MAGI2: variants seen among roughly 807,000 people sequenced by gnomAD.
MAGI2 encodes membrane-associated guanylate kinase, WW and PDZ domain-containing protein 2.
MAGI2 carries 35 observed loss-of-function variants against 133.3 expected under a neutral mutation model. The observed-to-expected ratio is 0.26, with a 90% CI of 0.20 to 0.35. The LOEUF is 0.35. MAGI2 is among the 10% of genes least tolerant of loss of function. The pLI is 1.00. For missense variants in MAGI2, 1,636 were observed against 1,863.4 expected (o/e 0.88, Z 2.25); for synonymous variants, 729 against 710.6 (o/e 1.03, Z -0.41).
chr7:78,559,783 T>G (rs1800222539), intron 3 of MAGI2, among the ~76,000 whole-genome samples: 1 of 152,166 alleles, frequency 6.6e-6, no homozygotes. Flanking sequence ...TTGAGAAGTG[T>G]TTAATTTTTG....
intron 3 of MAGI2, among the ~76,000 whole-genome samples, chr7:78,534,051 G>A (rs746542623): frequency 4.6e-5 from 7 of 152,152 alleles, no homozygotes; most frequent in Non-Finnish European, 1.0e-4. Flanking sequence ...TTTACTGATA[G>A]CCTATTATTT....
intron 9 of MAGI2, among the ~76,000 whole-genome samples, chr7:78,275,929 G>C (rs1400414890): frequency 6.6e-6 from 1 of 152,076 alleles, no homozygotes; most frequent in Non-Finnish European, 1.5e-5. Flanking sequence ...TGTATTTTCA[G>C]TTTTAGTTAC....
intron 2 of MAGI2, among the ~76,000 whole-genome samples, chr7:78,885,206 A>T (rs1398000621): frequency 6.6e-6 from 1 of 152,168 alleles, no homozygotes; most frequent in African/African-American, 2.4e-5. Flanking sequence ...ATTGGGTATT[A>T]TGCTCACTAC....
rs140123195 is a variant in MAGI2 at position 79,117,336 on chromosome 7, A to G, written c.302-110130T>C. Among the ~76,000 whole-genome samples the G allele has an allele frequency of 2.8e-3, 419 of 152,280 alleles. 1 individual carries two copies. The highest frequency in any genetic ancestry group is 7.3e-3 in the African/African-American group (302 of 41,574). On this transcript the variant is annotated intron_variant, in intron 1 of 21. Transcript: ENST00000354212. ...TTTTCAATAGAATATTTACCTCTCA[A>G]GAGCACATGTATATAATTCACTTTT... is the stretch of plus-strand genomic sequence containing the variant.
At chr7:78,749,424 A>G (rs1262122443) in intron 2 of MAGI2, among the ~76,000 whole-genome samples, 1 of 152,160 alleles carries the variant, frequency 6.6e-6, no homozygotes, top group African/African-American at 2.4e-5. Flanking sequence ...ATCATATGGT[A>G]TATTAGAAGG....
chr7:78,964,791 A>C (rs866533053), intron 2 of MAGI2, among the ~76,000 whole-genome samples: 1 of 152,020 alleles, frequency 6.6e-6, no homozygotes, highest in African/African-American at 2.4e-5. Flanking sequence ...TTTCCCTAGA[A>C]CTTATGATGA....
chr7:79,448,744 G>A (rs1044498777), intron 1 of MAGI2, among the ~76,000 whole-genome samples: 5 of 152,090 alleles, frequency 3.3e-5, no homozygotes, highest in Non-Finnish European at 5.9e-5. Context: ...ATGTGAATAT[G>A]CTTTTCTCAT....
intron 20 of MAGI2, among the ~76,000 whole-genome samples, chr7:78,084,082 C>T (rs918176124): frequency 1.3e-5 from 2 of 152,138 alleles, no homozygotes; most frequent in Non-Finnish European, 2.9e-5. Context: ...GTTAATTGCC[C>T]TCATGTTACC....
At chr7:78,182,581 A>G (rs1041812410) in intron 13 of MAGI2, among the ~76,000 whole-genome samples, 1 of 151,968 alleles carries the variant, frequency 6.6e-6, no homozygotes, top group African/African-American at 2.4e-5. Flanking sequence ...CCTTCATTCT[A>G]CCTCTGATTC....
intron 4 of MAGI2, among the ~76,000 whole-genome samples, chr7:78,515,293 G>A (rs1370073338): frequency 6.6e-6 from 1 of 152,106 alleles, no homozygotes; most frequent in Non-Finnish European, 1.5e-5. Flanking sequence ...TATTGCCAAA[G>A]CTAGGGAGGC....
chr7:79,122,031 T>C (rs1320916903), intron 1 of MAGI2, among the ~76,000 whole-genome samples: 1 of 152,236 alleles, frequency 6.6e-6, no homozygotes, highest in Admixed American at 6.5e-5. Flanking sequence ...GAGATCACTG[T>C]ATATAATTGA....
Position 78,585,520 on chromosome 7 carries a change from C to T in MAGI2, c.538+41600G>A, listed in dbSNP as rs375998734. On this transcript the variant is annotated intron_variant, in intron 3 of 21. Transcript: ENST00000354212. ...GGCAGCAGCATAGGAACCGGGGGGA[C>T]TGTGGCACCTAGTGAAAGAAGAAGG... Among the ~76,000 whole-genome samples the T allele has an allele frequency of 9.9e-5, 15 of 152,206 alleles. 1 individual carries two copies. In the South Asian group the frequency reaches 2.9e-3, roughly 29 times the overall value.
At chr7:79,084,422 T>G (rs578188172) in intron 1 of MAGI2, among the ~76,000 whole-genome samples, 221 of 151,910 alleles carry the variant, frequency 1.5e-3, no homozygotes, top group Non-Finnish European at 2.6e-3. Flanking sequence ...TGTTTAGGTT[T>G]GTGTTGTTTA....
chr7:78,047,153 T>G (rs929287674), intron 21 of MAGI2, among the ~76,000 whole-genome samples: 3 of 152,246 alleles, frequency 2.0e-5, no homozygotes, highest in Admixed American at 6.5e-5. Flanking sequence ...CTGTGCTCTC[T>G]GTGCATCATC....
At chr7:79,121,241 A>G (rs898000826) in intron 1 of MAGI2, among the ~76,000 whole-genome samples, 1 of 152,134 alleles carries the variant, frequency 6.6e-6, no homozygotes, top group Admixed American at 6.6e-5. Context: ...GATCCCTAAC[A>G]TGGAGAAAAG....
rs367925728 is a variant in MAGI2 at position 79,224,082 on chromosome 7, A to G, written c.302-216876T>C. Among the ~76,000 whole-genome samples, 42 of 152,138 alleles carry G rather than the reference A, an allele frequency of 2.8e-4. 1 individual carries two copies. Among genetic ancestry groups the G allele is most frequent in the African/African-American group, 9.7e-4 (40 of 41,430 alleles). ...ACATTGGAAGTCTTGATTATGCTCC[A>G]CTTTCTTGTTTTCAAACAGGAAACT... On this transcript the variant is annotated intron_variant, in intron 1 of 21. Coordinates refer to ENST00000354212, the MANE Select transcript of MAGI2 (RefSeq NM_012301.4).
intron 6 of MAGI2, among the ~76,000 whole-genome samples, chr7:78,483,686 G>A (rs1253448751): frequency 6.6e-6 from 1 of 151,816 alleles, no homozygotes; most frequent in African/African-American, 2.4e-5. Flanking sequence ...GAGTACTTCT[G>A]ACCCGAAAAG....
At chr7:78,190,019 T>C (rs2150722735) in intron 12 of MAGI2, among the ~76,000 whole-genome samples, 1 of 152,362 alleles carries the variant, frequency 6.6e-6, no homozygotes, top group East Asian at 1.9e-4. Context: ...GTTATCTAAC[T>C]ATAATCTTTC....
chr7:78,518,726 T>G (rs1307520409), intron 4 of MAGI2: 1 of 149,860 alleles, frequency 6.7e-6, no homozygotes, highest in Non-Finnish European at 1.5e-5. Context: ...GTGACATGTT[T>G]CTCTCTCTCT....
Sources: gnomAD v4.1 joint callset for allele counts (sites outside exome capture counted in the v4.1 genomes callset) on GRCh38, gnomAD v4.1.1 for gene constraint, MANE v1.5 for transcripts, NCBI Gene and HGNC (gene_info 2026-07-23, HGNC 2026-07-21) for gene names.